RB1: variants seen among roughly 807,000 people sequenced by gnomAD.
The protein encoded by RB1 is RB transcriptional corepressor 1.
In RB1, 18 loss-of-function variants were observed where a neutral mutation model predicts 135.4. The ratio of observed to expected loss-of-function variants is 0.13; its 90% CI spans 0.09 to 0.20. The LOEUF is 0.20. RB1 is among the 10% of genes least tolerant of loss of function. RB1 has a pLI of 1.00. For missense variants in RB1, 868 were observed against 1,110.0 expected (o/e 0.78, Z 3.10); for synonymous variants, 365 against 373.2 (o/e 0.98, Z 0.25).
At chr13:48,432,465 A>G (rs1436633432) in intron 17 of RB1, among the ~76,000 whole-genome samples, 1 of 151,244 alleles carries the variant, frequency 6.6e-6, no homozygotes, top group African/African-American at 2.4e-5. Context: ...TTCTGAAACT[A>G]AATACTTCTC....
At chr13:48,464,602 G>A (rs1263819523) in intron 21 of RB1, among the ~76,000 whole-genome samples, 2 of 152,196 alleles carry the variant, frequency 1.3e-5, no homozygotes, top group Admixed American at 6.5e-5. Context: ...GCCAGAGAAT[G>A]TAGTCCAAAT....
intron 2 of RB1, chr13:48,341,343 G>C (rs915331566): frequency 1.3e-5 from 2 of 150,728 alleles, no homozygotes; most frequent in African/African-American, 4.9e-5. Context: ...TTATATTTGG[G>C]TTGTTTGTAG....
intron 17 of RB1, among the ~76,000 whole-genome samples, chr13:48,400,558 G>C (rs917155010): frequency 6.6e-6 from 1 of 152,080 alleles, no homozygotes; most frequent in Non-Finnish European, 1.5e-5. Context: ...AAAGGGCCTA[G>C]ACTTTGAATT....
chr13:48,349,724 T>C (rs903368539), intron 6 of RB1, among the ~76,000 whole-genome samples: 3 of 151,830 alleles, frequency 2.0e-5, no homozygotes, highest in Non-Finnish European at 4.4e-5. Context: ...TGGACTAAAG[T>C]CTCTAATTAA....
intron 6 of RB1, among the ~76,000 whole-genome samples, chr13:48,349,531 T>C (rs1223609449): frequency 6.6e-6 from 1 of 151,746 alleles, no homozygotes; most frequent in Non-Finnish European, 1.5e-5. Context: ...CCAAAAAACA[T>C]ACAATGTAGA....
At chr13:48,377,601 T>A (rs1026032742) in intron 13 of RB1, among the ~76,000 whole-genome samples, 3 of 152,174 alleles carry the variant, frequency 2.0e-5, no homozygotes, top group Non-Finnish European at 2.9e-5. Context: ...TATACAAAAA[T>A]ATATTGGAAA....
At chr13:48,464,920 G>C (rs1566237486) in intron 21 of RB1, 78 bp from the exon 22 acceptor site, 2 of 1,437,112 alleles carry the variant, frequency 1.4e-6, no homozygotes, top group Non-Finnish European at 1.9e-6. Context: ...AAAATCTAAA[G>C]GTAGAAATTT....
At chr13:48,317,076 C>T in intron 2 of RB1, 5 of 818,714 alleles carry the variant, frequency 6.1e-6, no homozygotes, top group Non-Finnish European at 8.5e-6. Flanking sequence ...GCTGCTTGGC[C>T]AGGGCCCGCC....
At chr13:48,416,264 G>GC (rs1024459602) in intron 17 of RB1, 63 of 152,330 alleles carry the variant, frequency 4.1e-4, no homozygotes, top group African/African-American at 1.5e-3. Flanking sequence ...TCAGACAGGG[G>GC]GTGCAGCCCA....
At chr13:48,361,886 T>A (rs1419044903) in intron 7 of RB1, among the ~76,000 whole-genome samples, 1 of 151,942 alleles carries the variant, frequency 6.6e-6, no homozygotes, top group Non-Finnish European at 1.5e-5. Flanking sequence ...CAATTTCTTG[T>A]AAGTTGTTGA....
At chr13:48,314,146 G>A (rs781474422) in intron 2 of RB1, among the ~76,000 whole-genome samples, 1 of 152,026 alleles carries the variant, frequency 6.6e-6, no homozygotes, top group Non-Finnish European at 1.5e-5. Context: ...GACAACTTTG[G>A]TTTTCTTTTT....
chr13:48,382,988 A>G (rs1257843472), intron 17 of RB1, among the ~76,000 whole-genome samples: 1 of 152,146 alleles, frequency 6.6e-6, no homozygotes, highest in Non-Finnish European at 1.5e-5. Flanking sequence ...CAGGTTTGTC[A>G]AAGATCAGAT....
chr13:48,411,612 G>A, intron 17 of RB1: 1 of 1,611,948 alleles, frequency 6.2e-7, no homozygotes, highest in Non-Finnish European at 8.5e-7. Context: ...TGGGTACATT[G>A]TCCTTACTGC....
chr13:48,472,833 T>G (rs1433071290), intron 23 of RB1, among the ~76,000 whole-genome samples: 1 of 152,200 alleles, frequency 6.6e-6, no homozygotes, highest in African/African-American at 2.4e-5. Flanking sequence ...AGGCTAATGA[T>G]GTTCTTCAGC....
intron 17 of RB1, among the ~76,000 whole-genome samples, chr13:48,399,446 T>C (rs1677923263): frequency 6.6e-6 from 1 of 152,040 alleles, no homozygotes; most frequent in African/African-American, 2.4e-5. Flanking sequence ...AAAAAGATAG[T>C]AATTTAACTC....
chr13:48,325,924 CT>C, intron 2 of RB1, among the ~76,000 whole-genome samples: 2 of 152,188 alleles, frequency 1.3e-5, no homozygotes, highest in African/African-American at 4.8e-5. Context: ...AGAATGAAGT[CT>C]TTGCTCATAG....
chr13:48,402,160 T>G (rs1948697790), intron 17 of RB1, among the ~76,000 whole-genome samples: 1 of 152,180 alleles, frequency 6.6e-6, no homozygotes, highest in Non-Finnish European at 1.5e-5. Context: ...CTGAACTTAC[T>G]ATCTGTTCTT....
chr13:48,316,721 A>T (rs1391157281), intron 2 of RB1: 43 of 264 alleles, frequency 0.16, no homozygotes, highest in African/African-American at 0.3. Flanking sequence ...CAGAACCATC[A>T]CACACACACA....
At chr13:48,442,206 AT>A (rs544475121) in intron 17 of RB1, among the ~76,000 whole-genome samples, 7,559 of 145,734 alleles carry the variant, frequency 0.052, 605 homozygotes, top group African/African-American at 0.17. Context: ...TATGAATTTT[AT>A]TTTTTTTTTT....
Sources: allele counts gnomAD v4.1 joint callset (sites outside exome capture counted in the v4.1 genomes callset), GRCh38; gene constraint gnomAD v4.1.1; transcripts MANE v1.5; gene names NCBI Gene and HGNC (gene_info 2026-07-23, HGNC 2026-07-21).